Variants in GBF1 observed in about 807,000 individuals in gnomAD.
The protein encoded by GBF1 is Golgi-specific brefeldin A-resistance guanine nucleotide exchange factor 1.
In GBF1, 114 loss-of-function variants were observed where a neutral mutation model predicts 210.5. The observed-to-expected ratio is 0.54, with a 90% confidence interval of 0.47 to 0.63. GBF1 has a LOEUF of 0.63. Among genes scored for constraint, GBF1 ranks in the 30% least tolerant of loss-of-function variants. The pLI is 0.00. For synonymous variants in GBF1, 850 were observed against 889.2 expected, an observed-to-expected ratio of 0.96 and a Z score of 0.78; for missense variants, 1,851 against 2,357.7, an observed-to-expected ratio of 0.79 and a Z score of 4.45.
chr10:102,379,773 C>G (rs1182582429), intron 35 of GBF1, 80 bp from the exon 36 acceptor site: 11 of 1,462,012 alleles, frequency 7.5e-6, no homozygotes, highest in Non-Finnish European at 1.1e-5. Flanking sequence ...AGCTCTATGC[C>G]CATCCAGTTC....
intron 1 of GBF1, among the ~76,000 whole-genome samples, chr10:102,254,226 C>T (rs2072021901): frequency 6.6e-6 from 1 of 151,970 alleles, no homozygotes; most frequent in Admixed American, 6.6e-5. Flanking sequence ...CTCCCTTATG[C>T]TGAGTTTATA....
At chr10:102,294,074 G>A (rs1298340938) in intron 3 of GBF1, among the ~76,000 whole-genome samples, 2 of 151,706 alleles carry the variant, frequency 1.3e-5, no homozygotes, top group East Asian at 1.9e-4. Context: ...CACCATGCCC[G>A]GGCTGTAGTA....
intron 3 of GBF1, among the ~76,000 whole-genome samples, chr10:102,312,279 G>A (rs1161202029): frequency 6.7e-6 from 1 of 150,358 alleles, no homozygotes; most frequent in Admixed American, 6.7e-5. Context: ...GGCAACAAGA[G>A]CGTAACTCTG....
chr10:102,297,596 T>G (rs2077012402), intron 3 of GBF1, among the ~76,000 whole-genome samples: 1 of 152,228 alleles, frequency 6.6e-6, no homozygotes, highest in Admixed American at 6.5e-5. Flanking sequence ...CAGCTTATTC[T>G]CTTCTTTTTT....
At chr10:102,333,783 G>A (rs1023326420) in intron 3 of GBF1, among the ~76,000 whole-genome samples, 2 of 152,042 alleles carry the variant, frequency 1.3e-5, no homozygotes, top group Non-Finnish European at 2.9e-5. Flanking sequence ...TTCTTCCTAC[G>A]GAGCTTACCA....
intron 3 of GBF1, among the ~76,000 whole-genome samples, chr10:102,319,037 G>C (rs916459058): frequency 6.6e-6 from 1 of 152,100 alleles, no homozygotes; most frequent in African/African-American, 2.4e-5. Context: ...GCCTGGGTAG[G>C]CTGGGCGCAG....
chr10:102,260,476 C>CTTTTTTTTTTTTTTTTT (rs60452124), intron 3 of GBF1, among the ~76,000 whole-genome samples: 24 of 72,422 alleles, frequency 3.3e-4, no homozygotes, highest in African/African-American at 7.0e-4. Context: ...TTCCTTTCTT[C>CTTTTTTTTTTTTTTTTT]TTTTTTTTTT....
chr10:102,249,447 T>C (rs1469879552), intron 1 of GBF1, among the ~76,000 whole-genome samples: 1 of 152,198 alleles, frequency 6.6e-6, no homozygotes, highest in Admixed American at 6.5e-5. Flanking sequence ...ATGCTAGAGC[T>C]GAGGTACCCT....
At chr10:102,273,267 G>T (rs1383664293) in intron 3 of GBF1, among the ~76,000 whole-genome samples, 1 of 152,138 alleles carries the variant, frequency 6.6e-6, no homozygotes, top group African/African-American at 2.4e-5. Context: ...AGGAGGCAGA[G>T]GTTGCAGTGA....
chr10:102,268,173 A>G (rs935222001), intron 3 of GBF1, among the ~76,000 whole-genome samples: 1 of 152,202 alleles, frequency 6.6e-6, no homozygotes, highest in Non-Finnish European at 1.5e-5. Context: ...GTTTGTACTC[A>G]AGGTTAGGAA....
chr10:102,361,939 G>C, intron 14 of GBF1, 27 bp downstream of exon 14: 1 of 1,436,340 alleles, frequency 7.0e-7, no homozygotes, highest in South Asian at 1.4e-5. Flanking sequence ...CTGGCTTCTA[G>C]GAAAAAACGC....
At chr10:102,244,253 T>G (rs1165937453), upstream of GBF1, among the ~76,000 whole-genome samples, 1 of 152,244 alleles carries the variant, frequency 6.6e-6, no homozygotes, top group Non-Finnish European at 1.5e-5. Context: ...GTTATAGAGC[T>G]TCCCTGGACT....
chr10:102,300,964 G>A (rs2077285757), intron 3 of GBF1, among the ~76,000 whole-genome samples: 1 of 129,812 alleles, frequency 7.7e-6, no homozygotes, highest in Non-Finnish European at 1.6e-5. Context: ...AAGAGAATCA[G>A]TATTTTCTTT....
At chr10:102,238,017 G>T in the GBF1 span, among the ~76,000 whole-genome samples, 4 of 152,138 alleles carry the variant, frequency 2.6e-5, no homozygotes, top group Non-Finnish European at 4.4e-5. Context: ...GTTGGGCAGG[G>T]AAGAAATAGG....
intron 3 of GBF1, among the ~76,000 whole-genome samples, chr10:102,270,571 C>G: frequency 6.6e-6 from 1 of 152,120 alleles, no homozygotes; most frequent in East Asian, 1.9e-4. Flanking sequence ...TTTGCTTTAT[C>G]CGTATATGTG....
At chr10:102,315,651 T>G (rs575481935) in intron 3 of GBF1, among the ~76,000 whole-genome samples, 1 of 152,286 alleles carries the variant, frequency 6.6e-6, no homozygotes, top group South Asian at 2.1e-4. Flanking sequence ...TTTGTGCTCC[T>G]ATGAAAATCT....
At chr10:102,285,404 C>T (rs1269697353) in intron 3 of GBF1, among the ~76,000 whole-genome samples, 1 of 152,132 alleles carries the variant, frequency 6.6e-6, no homozygotes, top group African/African-American at 2.4e-5. Context: ...ATGACTGGCT[C>T]TTTTTAAGGT....
At chr10:102,361,637 A>C (rs948431887) in intron 13 of GBF1, 81 bp from the exon 14 acceptor site, 2 of 925,578 alleles carry the variant, frequency 2.2e-6, no homozygotes, top group African/African-American at 3.3e-5. Context: ...CATCCTGTTT[A>C]ATGTTTTTCC....
intron 21 of GBF1, 114 bp from the exon 22 acceptor site, chr10:102,368,104 G>T: frequency 1.4e-6 from 1 of 732,698 alleles, no homozygotes; most frequent in Non-Finnish European, 2.4e-6. Flanking sequence ...CTGAGCTGCA[G>T]TTCTGATGAC....
Sources: gnomAD v4.1 joint callset for allele counts (sites outside exome capture counted in the v4.1 genomes callset) on GRCh38, gnomAD v4.1.1 for gene constraint, MANE v1.5 for transcripts, NCBI Gene and HGNC (gene_info 2026-07-23, HGNC 2026-07-21) for gene names.